Variants in DIP2B observed in about 807,000 individuals in gnomAD.
DIP2B encodes disco-interacting protein 2 homolog B.
DIP2B carries 76 observed loss-of-function variants against 198.0 expected under a neutral mutation model. That is an observed-to-expected ratio of 0.38 (90% confidence interval 0.32 to 0.46). DIP2B has a LOEUF of 0.46. Ranked by LOEUF, DIP2B falls within the 20% of genes least tolerant of loss-of-function variation. DIP2B has a pLI of 0.99. For missense variants in DIP2B, 1,559 were observed against 1,978.4 expected (o/e 0.79, Z 4.02); for synonymous variants, 701 against 739.1 (o/e 0.95, Z 0.84).
chr12:50,682,721 A>T (rs1939065289), intron 9 of DIP2B, among the ~76,000 whole-genome samples: 2 of 151,210 alleles, frequency 1.3e-5, no homozygotes, highest in Non-Finnish European at 2.9e-5. Flanking sequence ...GCTCTCTCTG[A>T]GAGATGTAAG....
At chr12:50,696,409 T>C (rs756105682) in intron 16 of DIP2B, among the ~76,000 whole-genome samples, 2 of 152,248 alleles carry the variant, frequency 1.3e-5, no homozygotes, top group Non-Finnish European at 2.9e-5. Flanking sequence ...GTCCATTGTA[T>C]AGTTATACCA....
intron 37 of DIP2B, among the ~76,000 whole-genome samples, chr12:50,741,911 A>G (rs1318309628): frequency 6.6e-6 from 1 of 152,024 alleles, no homozygotes; most frequent in Non-Finnish European, 1.5e-5. Context: ...TCTGTAAAAC[A>G]CTCTCTCTGC....
intron 34 of DIP2B, 145 bp downstream of exon 34, chr12:50,735,275 C>G (rs1012233151): frequency 2.5e-6 from 2 of 814,944 alleles, no homozygotes; most frequent in African/African-American, 3.4e-5. Context: ...CTAATACTTT[C>G]AAATTCATAT....
chr12:50,553,998 G>T (rs1020476185), intron 1 of DIP2B, among the ~76,000 whole-genome samples: 3 of 151,992 alleles, frequency 2.0e-5, no homozygotes, highest in African/African-American at 7.2e-5. Flanking sequence ...TTATTTAATA[G>T]AATTTTATTT....
chr12:50,555,452 G>C (rs1055263435), intron 1 of DIP2B, among the ~76,000 whole-genome samples: 40 of 152,120 alleles, frequency 2.6e-4, no homozygotes, highest in African/African-American at 9.2e-4. Context: ...AAATTTTGTC[G>C]CTGCTATCAC....
intron 36 of DIP2B, among the ~76,000 whole-genome samples, chr12:50,740,504 C>A (rs571950785): frequency 1.8e-4 from 28 of 152,328 alleles, no homozygotes; most frequent in African/African-American, 6.5e-4. Context: ...CGGTGCCTGG[C>A]ACACAGGAAG....
At chr12:50,506,154 G>A (rs1957966856) in intron 1 of DIP2B, among the ~76,000 whole-genome samples, 1 of 152,150 alleles carries the variant, frequency 6.6e-6, no homozygotes, top group African/African-American at 2.4e-5. Context: ...GTTGTGATCA[G>A]TTCTGTGTAA....
At chr12:50,553,829 T>C (rs929855115) in intron 1 of DIP2B, among the ~76,000 whole-genome samples, 2 of 152,050 alleles carry the variant, frequency 1.3e-5, no homozygotes, top group African/African-American at 4.8e-5. Context: ...ATTTTTTAAA[T>C]TTTTTGTGGA....
chr12:50,698,721 T>C (rs1480535487), intron 18 of DIP2B, among the ~76,000 whole-genome samples: 1 of 152,188 alleles, frequency 6.6e-6, no homozygotes, highest in African/African-American at 2.4e-5. Flanking sequence ...GATGTTAAAG[T>C]TACCTGGTTT....
intron 3 of DIP2B, among the ~76,000 whole-genome samples, chr12:50,643,035 TGTGTGTGTGAGTGTGTGTGTGC>T (rs1036528339): frequency 2.6e-5 from 4 of 151,804 alleles, no homozygotes; most frequent in African/African-American, 9.7e-5. Flanking sequence ...TCTGTGTGTG[TGTGTGTGTGAGTGTGTGTGTGC>T]GTTTTGTTTT....
chr12:50,611,318 C>T (rs1959029971), intron 1 of DIP2B, among the ~76,000 whole-genome samples: 1 of 152,134 alleles, frequency 6.6e-6, no homozygotes, highest in Non-Finnish European at 1.5e-5. Flanking sequence ...TCTTGTACTA[C>T]CGAAATGCCC....
intron 7 of DIP2B, among the ~76,000 whole-genome samples, chr12:50,677,484 G>A (rs1002820564): frequency 7.2e-5 from 11 of 151,916 alleles, no homozygotes; most frequent in Non-Finnish European, 1.3e-4. Context: ...GCGTGGTGGC[G>A]GGCGCCTATA....
intron 1 of DIP2B, among the ~76,000 whole-genome samples, chr12:50,587,357 C>T (rs1195200496): frequency 2.0e-5 from 3 of 152,178 alleles, no homozygotes; most frequent in African/African-American, 7.2e-5. Context: ...TTGTCCCTCA[C>T]TTGCTATATG....
rs1437199309 is a variant in DIP2B, at chr12:50,723,289, C to T, written c.3254C>T (p.Thr1085Met). 8.7e-6 allele frequency: 14 copies of T among 1,614,172 alleles called. No homozygotes were observed. The highest frequency in any genetic ancestry group is 3.3e-5 in the Admixed American group (2 of 60,024). The change falls in exon 27 of 38, where the codon ACG (threonine) becomes ATG (methionine). Residue 1085 changes from threonine to methionine, a missense_variant. Thr to Met is a moderately conservative substitution (Grantham distance 81). Coordinates refer to ENST00000301180, the MANE Select transcript of DIP2B (RefSeq NM_173602.3). ...AGACCTCCACATGCTCAGAACCTCACGGCCACGCTGCCCACTGTCCGAATG... is the reference window on the plus strand; with the variant it reads ...AGACCTCCACATGCTCAGAACCTCATGGCCACGCTGCCCACTGTCCGAATG... ...TVRPPHAQNLTATLPTVRMIV... is the reference protein window; with the variant it reads ...TVRPPHAQNLMATLPTVRMIV...
At chr12:50,505,274 C>T (rs1363513981) in intron 1 of DIP2B, 34 bp downstream of exon 1, 1 of 1,434,852 alleles carries the variant, frequency 7.0e-7, no homozygotes, top group Non-Finnish European at 9.1e-7. Context: ...GCGCCCGGGG[C>T]CCTGCGGATC....
In DIP2B at chr12:50,678,659, T is replaced by C. The variant is rs191801280; in HGVS notation, c.917-20T>C. On this transcript the variant is annotated intron_variant, in intron 7 of 37. Transcript: ENST00000301180. ...TTGGTATTTGTACTCATTTCACTCA[T>C]TGGGATTTTCCTGGTACAGTACCTC... The C allele has an allele frequency of 3.7e-6, 6 of 1,607,886 alleles. No homozygotes were observed. The highest frequency in any genetic ancestry group is 2.7e-5 in the African/African-American group (2 of 74,838).
chr12:50,514,031 C>T (rs946381961), intron 1 of DIP2B, among the ~76,000 whole-genome samples: 4 of 150,958 alleles, frequency 2.6e-5, no homozygotes, highest in Admixed American at 6.6e-5. Flanking sequence ...TATTTAAAAC[C>T]ATTGCTAAAT....
chr12:50,609,399 A>C (rs1959012349), intron 1 of DIP2B, among the ~76,000 whole-genome samples: 1 of 152,202 alleles, frequency 6.6e-6, no homozygotes, highest in African/African-American at 2.4e-5. Context: ...ATAGAAGTTT[A>C]TTTCTAGGTC....
At chr12:50,707,605 A>G (rs1422014292) in intron 21 of DIP2B, among the ~76,000 whole-genome samples, 2 of 152,206 alleles carry the variant, frequency 1.3e-5, no homozygotes, top group South Asian at 2.1e-4. Context: ...AAAACAGGCC[A>G]AGTCTCTGCC....
Sources: gnomAD v4.1 joint callset for allele counts (sites outside exome capture counted in the v4.1 genomes callset) on GRCh38, gnomAD v4.1.1 for gene constraint, MANE v1.5 for transcripts, NCBI Gene and HGNC (gene_info 2026-07-23, HGNC 2026-07-21) for gene names.